MEGF11: variants seen among roughly 807,000 people sequenced by gnomAD.
MEGF11 encodes the protein multiple EGF like domains 11.
Under a neutral mutation model 146.6 loss-of-function variants are expected in MEGF11, and 126 were observed. The ratio of observed to expected loss-of-function variants is 0.86; its 90% CI spans 0.74 to 1.00. The LOEUF (loss-of-function observed/expected upper bound fraction) is 1.00, where lower values mean the gene tolerates loss of function less well. Among genes scored for constraint, MEGF11 ranks in the 50% least tolerant of loss-of-function variants. The pLI is 0.00. For missense variants in MEGF11, 1,509 were observed against 1,521.2 expected (o/e 0.99, Z 0.13); for synonymous variants, 532 against 583.4 (o/e 0.91, Z 1.27).
intron 7 of MEGF11, among the ~76,000 whole-genome samples, chr15:65,977,652 G>A (rs1282263526): frequency 6.6e-6 from 1 of 151,734 alleles, no homozygotes; most frequent in Non-Finnish European, 1.5e-5. Flanking sequence ...CTGATTTTTT[G>A]TATTTTTAGT....
At chr15:66,181,962 T>C (rs919370737) in intron 1 of MEGF11, among the ~76,000 whole-genome samples, 8 of 152,196 alleles carry the variant, frequency 5.3e-5, no homozygotes, top group Admixed American at 1.3e-4. Flanking sequence ...CCAGACCTTC[T>C]GCCCAAGCCC....
intron 19 of MEGF11, 50 bp from the exon 20 acceptor site, chr15:65,914,023 A>AGGTC (rs2078909224): frequency 1.4e-6 from 2 of 1,480,518 alleles, no homozygotes; most frequent in Non-Finnish European, 1.9e-6. Context: ...CTTGCGCTTC[A>AGGTC]GGTCTCCTGG....
chr15:66,036,943 C>T (rs1231851297), intron 5 of MEGF11, among the ~76,000 whole-genome samples: 1 of 152,234 alleles, frequency 6.6e-6, no homozygotes, highest in African/African-American at 2.4e-5. Context: ...GGGATCCTCC[C>T]AGGCCTCAGG....
At chr15:66,001,432 C>T (rs528752022) in intron 5 of MEGF11, among the ~76,000 whole-genome samples, 17 of 152,204 alleles carry the variant, frequency 1.1e-4, no homozygotes, top group East Asian at 1.9e-4. Context: ...ACTCCAGAGC[C>T]GGGTAGAGGA....
intron 5 of MEGF11, among the ~76,000 whole-genome samples, chr15:66,045,120 G>A (rs780563336): frequency 1.3e-5 from 2 of 152,166 alleles, no homozygotes; most frequent in Non-Finnish European, 2.9e-5. Flanking sequence ...TGTATATATC[G>A]CTCATACAAA....
chr15:65,914,458 A>G (rs978235861), intron 19 of MEGF11, among the ~76,000 whole-genome samples: 2 of 152,178 alleles, frequency 1.3e-5, no homozygotes, highest in East Asian at 1.9e-4. Flanking sequence ...CATGGGGACA[A>G]TAACCCCACC....
intron 10 of MEGF11, among the ~76,000 whole-genome samples, chr15:65,934,314 C>T (rs925718245): frequency 1.3e-5 from 2 of 152,156 alleles, no homozygotes; most frequent in African/African-American, 2.4e-5. Context: ...TGCAGTGGCA[C>T]GATCTTGGCT....
At chr15:66,238,089 C>T (rs191179835) in intron 1 of MEGF11, among the ~76,000 whole-genome samples, 23 of 152,240 alleles carry the variant, frequency 1.5e-4, no homozygotes, top group Admixed American at 1.4e-3. Context: ...TAATAGTATC[C>T]GAATTGCTGG....
chr15:66,098,478 A>G (rs1387043970), intron 4 of MEGF11, among the ~76,000 whole-genome samples: 1 of 152,196 alleles, frequency 6.6e-6, no homozygotes, highest in African/African-American at 2.4e-5. Context: ...ACTTACATGA[A>G]AGGGTCAGGA....
At chr15:66,240,233 G>A (rs1046895768) in intron 1 of MEGF11, among the ~76,000 whole-genome samples, 1 of 152,238 alleles carries the variant, frequency 6.6e-6, no homozygotes, top group Admixed American at 6.5e-5. Context: ...GAGAGAAGAT[G>A]AATGACTTGA....
chr15:66,208,437 A>G (rs2091356438), intron 1 of MEGF11, among the ~76,000 whole-genome samples: 1 of 152,250 alleles, frequency 6.6e-6, no homozygotes, highest in South Asian at 2.1e-4. Context: ...GAGGGAAAAG[A>G]AAAACAGAAA....
chr15:66,031,316 G>A (rs935489640), intron 5 of MEGF11, among the ~76,000 whole-genome samples: 1 of 152,200 alleles, frequency 6.6e-6, no homozygotes, highest in African/African-American at 2.4e-5. Flanking sequence ...TCTATACCCA[G>A]TCTGGTTTCC....
chr15:66,182,716 A>T (rs995114270), intron 1 of MEGF11, among the ~76,000 whole-genome samples: 1 of 152,166 alleles, frequency 6.6e-6, no homozygotes, highest in Non-Finnish European at 1.5e-5. Flanking sequence ...AACTATTCAG[A>T]TCTTCTGCCT....
intron 5 of MEGF11, among the ~76,000 whole-genome samples, chr15:66,021,750 G>A (rs2083141760): frequency 6.6e-6 from 1 of 152,222 alleles, no homozygotes; most frequent in Admixed American, 6.5e-5. Context: ...AGTTAGGCTG[G>A]TGTGAGTTGG....
intron 1 of MEGF11, among the ~76,000 whole-genome samples, chr15:66,234,639 A>C (rs7164601): frequency 6.6e-6 from 1 of 151,968 alleles, no homozygotes; most frequent in East Asian, 1.9e-4. Flanking sequence ...AAGGATCCCA[A>C]TCGGGTCCCT....
chr15:65,918,656 CT>C (rs1477168958), intron 15 of MEGF11, among the ~76,000 whole-genome samples: 2 of 152,264 alleles, frequency 1.3e-5, no homozygotes, highest in Non-Finnish European at 2.9e-5. Context: ...AGCTCAACAT[CT>C]TCCTCAAGAA....
intron 9 of MEGF11, among the ~76,000 whole-genome samples, chr15:65,962,638 A>C (rs1341593518): frequency 6.6e-6 from 1 of 152,232 alleles, no homozygotes; most frequent in African/African-American, 2.4e-5. Context: ...GGTTGACGTC[A>C]GCTAATGGGT....
rs138927701 is a variant in MEGF11, at chr15:66,219,034, GA to G, written c.-9+34570del. Among the ~76,000 whole-genome samples the G allele has an allele frequency of 1.7e-4, 23 of 134,244 alleles. No individual in the cohort carries two copies. In the East Asian group the frequency reaches 4.9e-3, roughly 29 times the overall value. 88.1% of individuals were successfully genotyped at this position (134,244 alleles called of 152,430 possible). The stretch of plus-strand genomic sequence containing the variant: ...CCTTATCTACATATAGATAGAGATA[GA>G]GACATAGACATGTCTATAGGGAGAG... On this transcript the variant is annotated intron_variant, in intron 1 of 25. Coordinates refer to ENST00000395614, the MANE Select transcript of MEGF11 (RefSeq NM_001385028.1).
chr15:66,041,553 G>A (rs1237262086), intron 5 of MEGF11, among the ~76,000 whole-genome samples: 2 of 152,230 alleles, frequency 1.3e-5, no homozygotes, highest in Non-Finnish European at 2.9e-5. Flanking sequence ...TGGCCTCTGG[G>A]TCAAACCCTG....
Sources: gnomAD v4.1 joint callset for allele counts (sites outside exome capture counted in the v4.1 genomes callset) on GRCh38, gnomAD v4.1.1 for gene constraint, MANE v1.5 for transcripts, NCBI Gene and HGNC (gene_info 2026-07-23, HGNC 2026-07-21) for gene names.